RUSF1: variants seen among roughly 807,000 people sequenced by gnomAD.
The protein encoded by RUSF1 is RUS family member 1, also known as RUS1 family protein C16orf58.
Under a neutral mutation model 63.0 loss-of-function variants are expected in RUSF1, and 58 were observed. That is an observed-to-expected ratio of 0.92 (90% CI 0.75 to 1.15). The LOEUF (loss-of-function observed/expected upper bound fraction) is 1.15, where lower values mean the gene tolerates loss of function less well. Ranked by LOEUF, RUSF1 falls within the 50% of genes most tolerant of loss-of-function variation. RUSF1 has a pLI of 0.00. For synonymous variants in RUSF1, 274 were observed against 255.8 expected (o/e 1.07, Z -0.68); for missense variants, 652 against 611.0 (o/e 1.07, Z -0.71).
rs2082668720 is a variant in RUSF1, at chr16:31,507,865, C to G, written c.314G>C (p.Ser105Thr). Residue 105 changes from serine to threonine, a missense_variant, in exon 2 of 13, where the codon AGC becomes ACC. Ser to Thr is a moderately conservative substitution (Grantham distance 58). Coordinates refer to ENST00000327237, the MANE Select transcript of RUSF1 (RefSeq NM_022744.4). ...CTGGGTGGCTAGGGAGCCGGAGAGGCTGGAAGCAAACGCCTGGAGAAGAAA... is the reference window on the plus strand; with the variant it reads ...CTGGGTGGCTAGGGAGCCGGAGAGGGTGGAAGCAAACGCCTGGAGAAGAAA... ...LWDSVQAFAS[S>T]LSGSLATQAV... 2 of 1,563,176 alleles carry G rather than the reference C, an allele frequency of 1.3e-6. No homozygotes were observed. The highest frequency in any genetic ancestry group is 4.8e-5 in the East Asian group (2 of 41,924).
chr16:31,497,919 G>T (rs1196943990), intron 5 of RUSF1, among the ~76,000 whole-genome samples: 1 of 152,232 alleles, frequency 6.6e-6, no homozygotes, highest in Non-Finnish European at 1.5e-5. Flanking sequence ...CTCTTTGAAA[G>T]GATCACTGGG....
intron 2 of RUSF1, among the ~76,000 whole-genome samples, chr16:31,507,043 G>T (rs923188069): frequency 6.6e-6 from 1 of 152,148 alleles, no homozygotes; most frequent in Non-Finnish European, 1.5e-5. Flanking sequence ...TGTAATTGCG[G>T]GTTTTCCATT....
At chr16:31,497,272 G>C (rs1233463480) in intron 5 of RUSF1, among the ~76,000 whole-genome samples, 1 of 151,926 alleles carries the variant, frequency 6.6e-6, no homozygotes, top group Non-Finnish European at 1.5e-5. Context: ...TTACTGGCGG[G>C]AGGCTCAGGC....
rs1596622017 is a variant in RUSF1 at position 31,489,515 on chromosome 16, C to T, written c.*1320G>A. 1.5e-6 allele frequency: 1 copy of T among 662,398 alleles called. No individual in the cohort carries two copies. The highest frequency in any genetic ancestry group is 2.7e-6 in the Non-Finnish European group (1 of 373,930). 41.0% of individuals were successfully genotyped at this position (662,398 alleles called of 1,614,324 possible). ...TTTTATTTAAATACATTTATTTGAACCGGCCTGGGGGAGGCTTGATGTTGA... is the reference window on the plus strand; with the variant it reads ...TTTTATTTAAATACATTTATTTGAATCGGCCTGGGGGAGGCTTGATGTTGA... On this transcript the variant is annotated 3_prime_UTR_variant, in exon 13 of 13. Transcript: ENST00000327237.
At position 31,496,964 on chromosome 16, in the gene RUSF1, GAAGA is replaced by G. The variant is rs1267719574; in HGVS notation, c.601-18_601-15del. ...ACTCACGATGCACTGGGTGGGAGGG[GAAGA>G]GAGAAGGTTGGCAGAGACACGTGTC... On this transcript the variant is annotated splice_polypyrimidine_tract_variant and intron_variant, in intron 5 of 12. Coordinates refer to ENST00000327237, the MANE Select transcript of RUSF1 (RefSeq NM_022744.4). The G allele has an allele frequency of 1.3e-6, 2 of 1,585,976 alleles. No homozygotes were observed. Among genetic ancestry groups the G allele is most frequent in the South Asian group, 2.3e-5 (2 of 87,172 alleles).
rs1201943713 is a variant in RUSF1, at chr16:31,492,020, T to C, written c.1298A>G (p.Lys433Arg). 2 of 1,614,150 alleles carry C rather than the reference T, an allele frequency of 1.2e-6. No individual in the cohort carries two copies. Among genetic ancestry groups the C allele is most frequent in the East Asian group, 4.5e-5 (2 of 44,876 alleles). ...THEVLDMLFP[K>R]FLKGLQDAGW... ...CTGAGGGATGTTACCTTTCAAGAAC[T>C]TTGGGAACAGCATGTCCAACACTTC... The change falls in exon 12 of 13, where the codon AAG becomes AGG. Residue 433 changes from lysine to arginine, a missense_variant. Lys to Arg is a conservative substitution (Grantham distance 26). Coordinates refer to ENST00000327237, the MANE Select transcript of RUSF1 (RefSeq NM_022744.4).
intron 2 of RUSF1, among the ~76,000 whole-genome samples, chr16:31,506,162 T>G (rs1301244678): frequency 2.6e-5 from 4 of 152,250 alleles, no homozygotes; most frequent in Non-Finnish European, 4.4e-5. Flanking sequence ...GCTGAGACAG[T>G]GACATCTTTG....
At chr16:31,492,467 C>T (rs937604206) in intron 10 of RUSF1, 127 bp from the exon 11 acceptor site, 9 of 1,089,234 alleles carry the variant, frequency 8.3e-6, no homozygotes, top group Non-Finnish European at 1.1e-5. Context: ...GCACCTCACC[C>T]TTTCCTTTCC....
At chr16:31,494,654 A>C (rs115146436) in intron 6 of RUSF1, among the ~76,000 whole-genome samples, 3,572 of 151,758 alleles carry the variant, frequency 0.024, 146 homozygotes, top group African/African-American at 0.082. Context: ...ACCCTTGAAC[A>C]CATCTTGTCT....
intron 8 of RUSF1, 24 bp from the exon 9 acceptor site, chr16:31,493,548 G>T (rs1419872280): frequency 6.2e-7 from 1 of 1,614,016 alleles, no homozygotes; most frequent in Admixed American, 1.7e-5. Flanking sequence ...GGGTCAGGAT[G>T]CCTAGGCAGT....
Position 31,490,916 on chromosome 16 carries a change from G to T in RUSF1, c.1326C>A (p.Gly442=). 1 of 1,614,130 alleles carries T rather than the reference G, an allele frequency of 6.2e-7. No homozygotes were observed. Among genetic ancestry groups the T allele is most frequent in the Non-Finnish European group, 8.5e-7 (1 of 1,180,030 alleles). ...CTAGCTGGTGCTTCTCGGTCTTCCA[G>T]CCGGCATCCTGCAGTCCTGGGGAGA... ...PKFLKGLQDA[G]WKTEKHQLEV... is the part of the protein sequence containing the mutation. Residue 442 remains glycine, a synonymous_variant, in exon 13 of 13, where the codon GGC becomes GGA. Coordinates refer to ENST00000327237, the MANE Select transcript of RUSF1 (RefSeq NM_022744.4).
chr16:31,492,093 AC>A lies in RUSF1; in HGVS notation c.1232-8del. On this transcript the variant is annotated splice_region_variant and splice_polypyrimidine_tract_variant and intron_variant, in intron 11 of 12. Transcript: ENST00000327237. ...CAGCTCTCTTTCTTAGGACCTGGGT[AC>A]GGGGGTGCAGAACCAGAAGCTCTGT... 1 of 1,614,160 alleles carries A rather than the reference AC, an allele frequency of 6.2e-7. No homozygotes were observed. Among genetic ancestry groups the A allele is most frequent in the Non-Finnish European group, 8.5e-7 (1 of 1,179,992 alleles).
chr16:31,494,237 T>C (rs2082590475), intron 6 of RUSF1, among the ~76,000 whole-genome samples: 1 of 151,402 alleles, frequency 6.6e-6, no homozygotes, highest in Admixed American at 6.6e-5. Context: ...AATTAAAAAT[T>C]TGGTGGGGCA....
Position 31,490,349 on chromosome 16 carries a change from G to A in RUSF1, c.*486C>T. On this transcript the variant is annotated 3_prime_UTR_variant, in exon 13 of 13. Coordinates refer to ENST00000327237, the MANE Select transcript of RUSF1 (RefSeq NM_022744.4). ...CACCAAGCCTCTTCCGCCAGTGCCT[G>A]CTCTGGTTTTGTGGAATGAGCAGAG... 6.2e-7 allele frequency: 1 copy of A among 1,612,922 alleles called. No individual in the cohort carries two copies. Among genetic ancestry groups the A allele is most frequent in the Non-Finnish European group, 8.5e-7 (1 of 1,179,566 alleles).
chr16:31,497,231 T>C (rs1596627926), intron 5 of RUSF1, among the ~76,000 whole-genome samples: 1 of 152,010 alleles, frequency 6.6e-6, no homozygotes, highest in East Asian at 2.0e-4. Context: ...CTCCCAGCCC[T>C]CCAGCTCCTG....
chr16:31,496,787 CA>C (rs2082605631), intron 6 of RUSF1, 61 bp downstream of exon 6: 1 of 1,399,294 alleles, frequency 7.1e-7, no homozygotes. Context: ...CCAGGGCACT[CA>C]AGTGGCTTCT....
chr16:31,497,751 T>C (rs890914380), intron 5 of RUSF1, among the ~76,000 whole-genome samples: 2 of 152,126 alleles, frequency 1.3e-5, no homozygotes, highest in Non-Finnish European at 2.9e-5. Flanking sequence ...AACAAGTTAA[T>C]ACGCAGGCAG....
At chr16:31,490,968 G>C (rs2082562943) in intron 12 of RUSF1, 36 bp from the exon 13 acceptor site, 1 of 1,602,782 alleles carries the variant, frequency 6.2e-7, no homozygotes, top group African/African-American at 1.3e-5. Flanking sequence ...CGGGAATGCT[G>C]GGGACAAGGG....
intron 12 of RUSF1, 44 bp from the exon 13 acceptor site, chr16:31,490,976 G>T: frequency 6.3e-7 from 1 of 1,593,196 alleles, no homozygotes. Flanking sequence ...CTGGGGACAA[G>T]GGTAAGGAGA....
Sources: allele counts gnomAD v4.1 joint callset (sites outside exome capture counted in the v4.1 genomes callset), GRCh38; gene constraint gnomAD v4.1.1; transcripts MANE v1.5; gene names NCBI Gene and HGNC (gene_info 2026-07-23, HGNC 2026-07-21).